Variants in DNAH10 observed in about 807,000 individuals in gnomAD.
DNAH10 encodes the protein dynein axonemal heavy chain 10.
Under a neutral mutation model 506.6 loss-of-function variants are expected in DNAH10, and 348 were observed. The observed-to-expected ratio is 0.69, with a 90% CI of 0.63 to 0.75. DNAH10 has a LOEUF of 0.75. DNAH10 is among the 30% of genes least tolerant of loss of function. The pLI is 0.00. For missense variants in DNAH10, 5,179 were observed against 5,787.1 expected, an observed-to-expected ratio of 0.89 and a Z score of 3.41; for synonymous variants, 2,059 against 2,198.6, an observed-to-expected ratio of 0.94 and a Z score of 1.78.
Position 123,853,946 on chromosome 12 carries a change from A to G in DNAH10, c.6438+594A>G, listed in dbSNP as rs1253562314. ...CACGCACGCACACGCACACGCACAC[A>G]CACACACATTTGGGTAGTAAAAAAA... On this transcript the variant is annotated intron_variant, in intron 36 of 78. Transcript: ENST00000673944. The surrounding 1 kb of genome is among the most constrained non-coding windows in gnomAD (Gnocchi z 4.7). Among the ~76,000 whole-genome samples, 1 of 151,426 alleles carries G rather than the reference A, an allele frequency of 6.6e-6. No homozygotes were observed. The highest frequency in any genetic ancestry group is 1.5e-5 in the Non-Finnish European group (1 of 67,910).
chr12:123,796,686 A>T lies in DNAH10; in HGVS notation c.2017A>T (p.Asn673Tyr). Residue 673 changes from asparagine to tyrosine, a missense_variant, in exon 13 of 79, where the codon AAC becomes TAC. This residue lies in a region of DNAH10 where 4,844 missense variants were observed against 5,430.5 expected (regional missense o/e 0.89). Coordinates refer to ENST00000673944, the MANE Select transcript of DNAH10 (RefSeq NM_001372106.1). ...CATCATTAATAAAATCTTTGTCCAG[A>T]ACCTTGAAAATCCACCACTGTATAA... ...IDIINKIFVQ[N>Y]LENPPLYKNH... 1 of 1,611,940 alleles carries T rather than the reference A, an allele frequency of 6.2e-7. No homozygotes were observed. The highest frequency in any genetic ancestry group is 1.1e-5 in the South Asian group (1 of 90,154).
At chr12:123,779,260 C>T (rs757530107) in intron 5 of DNAH10, among the ~76,000 whole-genome samples, 2 of 151,986 alleles carry the variant, frequency 1.3e-5, no homozygotes, top group Non-Finnish European at 1.5e-5. Context: ...CGGCTGTTCT[C>T]GAACTCCTGG....
At chr12:123,803,602 G>C in intron 16 of DNAH10, 59 bp from the exon 17 acceptor site, 1 of 1,430,888 alleles carries the variant, frequency 7.0e-7, no homozygotes, top group Non-Finnish European at 9.2e-7. Context: ...ACGTTGGTGG[G>C]GGGATGTGGA....
Position 123,833,321 on chromosome 12 carries a change from C to T in DNAH10, c.4753C>T (p.Leu1585Phe). 3.7e-6 allele frequency: 6 copies of T among 1,612,804 alleles called. No individual in the cohort carries two copies. Among genetic ancestry groups the T allele is most frequent in the Non-Finnish European group, 5.1e-6 (6 of 1,179,430 alleles). Residue 1585 changes from leucine to phenylalanine, a missense_variant, in exon 27 of 79, where the codon CTT (leucine) becomes TTT (phenylalanine). Leu to Phe is a conservative substitution (Grantham distance 22). Around this residue, in one of 3 missense-constraint regions of DNAH10, gnomAD observed 4,844 missense variants for 5,430.5 expected, o/e 0.89. Coordinates refer to ENST00000673944, the MANE Select transcript of DNAH10 (RefSeq NM_001372106.1). ...AACTGTTCACAAATGGGAAAAAACG[C>T]TTTCTCTAATAGGGGAAGTCATTGA... Reference protein sequence around the residue: ...LQTVHKWEKTLSLIGEVIEIW... With the variant: ...LQTVHKWEKTFSLIGEVIEIW...
chr12:123,787,953 G>T lies in DNAH10; in HGVS notation c.1571G>T (p.Arg524Met). The T allele has an allele frequency of 6.3e-7, 1 of 1,595,112 alleles. No homozygotes were observed. The highest frequency in any genetic ancestry group is 1.8e-5 in the Admixed American group (1 of 56,128). Residue 524 changes from arginine to methionine, a missense_variant, in exon 10 of 79, where the codon AGG (arginine) becomes ATG (methionine). Transcript: ENST00000673944. The surrounding 1 kb of genome is among the most constrained non-coding windows in gnomAD (Gnocchi z 4.6). ...TTTGACCGGAAGCGGCTGTTCGAGA[G>T]GACGGATTATATGGCCACCATCTGC... The part of the protein sequence containing the change: ...WEFDRKRLFE[R>M]TDYMATICQD...
chr12:123,840,399 T>G (rs943193907), intron 29 of DNAH10, among the ~76,000 whole-genome samples: 8 of 116,848 alleles, frequency 6.8e-5, no homozygotes, highest in Admixed American at 7.9e-5. Flanking sequence ...TTCCAGTTTT[T>G]TTTTTTTTTT....
chr12:123,926,726 C>T lies in DNAH10; in HGVS notation c.12011C>T (p.Ser4004Phe), dbSNP rs368854827. ...ATTGTGTTTATCCTGAGTCCTGGCT[C>T]CGACCCTGCCACTGATCTTATGAAA... ...SPIVFILSPG[S>F]DPATDLMKLA... Residue 4004 changes from serine to phenylalanine, a missense_variant, in exon 69 of 79, where the codon TCC (serine) becomes TTC (phenylalanine). Physicochemically the swap from Ser to Phe is radical, Grantham distance 155 (BLOSUM62 -2). Coordinates refer to ENST00000673944, the MANE Select transcript of DNAH10 (RefSeq NM_001372106.1). This position sits in a 1 kb window ranked among gnomAD's most constrained non-coding sequence, Gnocchi z 4.1. 16 of 1,613,890 alleles carry T rather than the reference C, an allele frequency of 9.9e-6. No individual in the cohort carries two copies. The African/African-American group carries it at 1.1e-4, about 11-fold the overall frequency.
chr12:123,795,156 A>AG (rs1478183111), intron 12 of DNAH10, among the ~76,000 whole-genome samples: 2 of 151,592 alleles, frequency 1.3e-5, no homozygotes, highest in South Asian at 2.1e-4. Flanking sequence ...CAAAAAAAAA[A>AG]AAAAAAGAAA....
At chr12:123,854,013 T>C (rs1327313058) in intron 36 of DNAH10, among the ~76,000 whole-genome samples, 1 of 147,972 alleles carries the variant, frequency 6.8e-6, no homozygotes, top group Non-Finnish European at 1.5e-5. Context: ...TTTGTGTCCA[T>C]AGGAGGAGAG....
intron 1 of DNAH10, among the ~76,000 whole-genome samples, chr12:123,765,417 C>T (rs1224858469): frequency 2.0e-5 from 3 of 152,274 alleles, no homozygotes; most frequent in South Asian, 2.1e-4. Flanking sequence ...AAGCCCCAGT[C>T]CTGCTCTTAT....
chr12:123,774,038 C>T, intron 4 of DNAH10, 111 bp from the exon 5 acceptor site: 2 of 730,862 alleles, frequency 2.7e-6, no homozygotes, highest in Non-Finnish European at 4.6e-6. Context: ...GTAACCAGAA[C>T]ATTCCTTGTA....
rs113641872 is a variant in DNAH10 at position 123,851,712 on chromosome 12, C to T, written c.6291+636C>T. Among the ~76,000 whole-genome samples, 70 of 152,324 alleles carry T rather than the reference C, an allele frequency of 4.6e-4. No homozygotes were observed. In the East Asian group the frequency reaches 9.3e-3, roughly 20 times the overall value. On this transcript the variant is annotated intron_variant, in intron 35 of 78. Transcript: ENST00000673944. The stretch of plus-strand genomic sequence containing the variant: ...CGTGTGCGTGTAGTTAGTTCTATGA[C>T]GTTTTATCACATGTGGATGGGAGTG...
chr12:123,917,540 G>T lies in DNAH10; in HGVS notation c.11003-44G>T, dbSNP rs944954658. The T allele has an allele frequency of 1.3e-6, 2 of 1,535,858 alleles. No homozygotes were observed. Among genetic ancestry groups the T allele is most frequent in the Non-Finnish European group, 1.8e-6 (2 of 1,136,080 alleles). On this transcript the variant is annotated intron_variant, in intron 63 of 78. Transcript: ENST00000673944. The surrounding 1 kb of genome is among the most constrained non-coding windows in gnomAD (Gnocchi z 5.6). ...CAGCAGGGCAGCGGGAGAGACTGTT[G>T]TTGGGGGCCGCAGGTGGTGAGGGCC...
intron 47 of DNAH10, among the ~76,000 whole-genome samples, chr12:123,876,457 A>T (rs1416575594): frequency 1.3e-5 from 2 of 151,866 alleles, no homozygotes; most frequent in Non-Finnish European, 2.9e-5. Context: ...ACATAGCAAA[A>T]CCTCATCTCT....
Position 123,785,661 on chromosome 12 carries a change from A to C in DNAH10, c.1231-85A>C. The C allele has an allele frequency of 4.1e-6, 5 of 1,211,510 alleles. No homozygotes were observed. Among genetic ancestry groups the C allele is most frequent in the Non-Finnish European group, 4.4e-6 (4 of 906,924 alleles). 75.0% of individuals were successfully genotyped at this position (1,211,510 alleles called of 1,614,324 possible). ...GAAAAAAAAAAAAAAAAAAGAGTGA[A>C]ACTTCTTGCATGCTTACTGTTTTAT... On this transcript the variant is annotated intron_variant, in intron 8 of 78. Transcript: ENST00000673944. The surrounding 1 kb of genome is among the most constrained non-coding windows in gnomAD (Gnocchi z 4.1).
intron 38 of DNAH10, among the ~76,000 whole-genome samples, chr12:123,859,632 T>TCG (rs1951538784): frequency 6.6e-6 from 1 of 152,192 alleles, no homozygotes; most frequent in African/African-American, 2.4e-5. Context: ...TGCTGTGGTT[T>TCG]CGCAGTGGCC....
chr12:123,913,369 CAG>C lies in DNAH10; in HGVS notation c.10352+57_10352+58del, dbSNP rs1954321219. The C allele has an allele frequency of 2.7e-6, 4 of 1,489,582 alleles. No individual in the cohort carries two copies. Among genetic ancestry groups the C allele is most frequent in the South Asian group, 2.5e-5 (2 of 78,528 alleles). 92.3% of individuals were successfully genotyped at this position (1,489,582 alleles called of 1,614,324 possible). A position where few individuals can be genotyped will look rare whatever the true frequency, so the allele number is the denominator to read the frequency against. ...GCGGTTTGTAAACGGACGTCACCCA[CAG>C]AGTTTCTCGCCATGTTGATTCTTTA... is the stretch of plus-strand genomic sequence containing the variant. On this transcript the variant is annotated intron_variant, in intron 60 of 78. Coordinates refer to ENST00000673944, the MANE Select transcript of DNAH10 (RefSeq NM_001372106.1). The surrounding 1 kb of genome is among the most constrained non-coding windows in gnomAD (Gnocchi z 5.1).
In DNAH10 at chr12:123,926,668, G is replaced by T; in HGVS notation, c.11953G>T (p.Ala3985Ser). 6 of 1,613,868 alleles carry T rather than the reference G, an allele frequency of 3.7e-6. No individual in the cohort carries two copies. The highest frequency in any genetic ancestry group is 5.1e-6 in the Non-Finnish European group (6 of 1,179,860). Residue 3985 changes from alanine to serine, a missense_variant, in exon 69 of 79, where the codon GCT (alanine) becomes TCT (serine). Ala to Ser is a moderately conservative substitution (Grantham distance 99). Transcript: ENST00000673944. This position sits in a 1 kb window ranked among gnomAD's most constrained non-coding sequence, Gnocchi z 4.1. ...GCAGCCCCCAATGATCAGCTTTGAAGCTATTTTTGAGCAGAGCACTCCACA... is the reference window on the plus strand; with the variant it reads ...GCAGCCCCCAATGATCAGCTTTGAATCTATTTTTGAGCAGAGCACTCCACA... The part of the protein sequence containing the change: ...YVQPPMISFE[A>S]IFEQSTPHSP...
chr12:123,889,529 CA>C (rs1952885178), intron 52 of DNAH10, among the ~76,000 whole-genome samples: 1 of 152,136 alleles, frequency 6.6e-6, no homozygotes, highest in Non-Finnish European at 1.5e-5. Context: ...TGGTTAACGA[CA>C]ACAACAACTA....
Sources: gnomAD v4.1 joint callset for allele counts (sites outside exome capture counted in the v4.1 genomes callset) on GRCh38, gnomAD v4.1.1 for gene constraint, gnomAD v4.1.1 regional missense constraint, Gnocchi (gnomAD v3.1) non-coding constraint, MANE v1.5 for transcripts, NCBI Gene and HGNC (gene_info 2026-07-23, HGNC 2026-07-21) for gene names.